TAOK3: variants seen among roughly 807,000 people sequenced by gnomAD.
TAOK3 encodes serine/threonine-protein kinase TAO3.
TAOK3 carries 40 observed loss-of-function variants against 120.4 expected under a neutral mutation model. The observed-to-expected ratio is 0.33, with a 90% confidence interval of 0.26 to 0.43. The LOEUF (loss-of-function observed/expected upper bound fraction) is 0.43, where lower values mean the gene tolerates loss of function less well. TAOK3 is among the 20% of genes least tolerant of loss of function. The pLI is 1.00. For synonymous variants in TAOK3, 355 were observed against 387.5 expected, an observed-to-expected ratio of 0.92 and a Z score of 0.99; for missense variants, 821 against 1,112.1, an observed-to-expected ratio of 0.74 and a Z score of 3.72.
intron 1 of TAOK3, among the ~76,000 whole-genome samples, chr12:118,320,141 A>G (rs918006611): frequency 6.6e-6 from 1 of 152,226 alleles, no homozygotes; most frequent in African/African-American, 2.4e-5. Flanking sequence ...TATTTAGAAT[A>G]GGCAAAATTC....
At chr12:118,333,522 T>G (rs1483947684) in intron 1 of TAOK3, among the ~76,000 whole-genome samples, 1 of 152,096 alleles carries the variant, frequency 6.6e-6, no homozygotes, top group East Asian at 1.9e-4. Flanking sequence ...AATGCTTACA[T>G]TAGGAGAGAG....
chr12:118,327,497 G>C (rs2043982197), intron 1 of TAOK3, among the ~76,000 whole-genome samples: 1 of 152,254 alleles, frequency 6.6e-6, no homozygotes, highest in Non-Finnish European at 1.5e-5. Context: ...GAAGGAAAAT[G>C]TTTAAACATT....
At chr12:118,335,165 C>T (rs1168792094) in intron 1 of TAOK3, among the ~76,000 whole-genome samples, 1 of 120,618 alleles carries the variant, frequency 8.3e-6, no homozygotes, top group Non-Finnish European at 1.7e-5. Flanking sequence ...GCCTGGGCAA[C>T]AAGAGCAAAA....
intron 3 of TAOK3, among the ~76,000 whole-genome samples, chr12:118,252,675 C>T (rs752597355): frequency 3.3e-5 from 5 of 151,754 alleles, no homozygotes; most frequent in Non-Finnish European, 5.9e-5. Flanking sequence ...TCTGACTACA[C>T]ACTAACAAGG....
intron 3 of TAOK3, among the ~76,000 whole-genome samples, chr12:118,252,129 T>C (rs540008500): frequency 6.6e-6 from 1 of 152,330 alleles, no homozygotes; most frequent in Non-Finnish European, 1.5e-5. Context: ...CTTGGCTGCT[T>C]TTTAAATGAG....
At chr12:118,254,416 A>G (rs1014192070) in intron 3 of TAOK3, among the ~76,000 whole-genome samples, 2 of 152,090 alleles carry the variant, frequency 1.3e-5, no homozygotes, top group Non-Finnish European at 2.9e-5. Context: ...CAAGATAGAC[A>G]TAAACCCTGT....
At chr12:118,202,579 C>T (rs1476347227) in intron 11 of TAOK3, among the ~76,000 whole-genome samples, 7 of 151,868 alleles carry the variant, frequency 4.6e-5, no homozygotes, top group Admixed American at 1.3e-4. Context: ...GAGGTGATAC[C>T]TCATTGTGGT....
At chr12:118,363,727 A>AGTGTGTGTGTGT (rs552898130) in intron 1 of TAOK3, among the ~76,000 whole-genome samples, 54 of 147,504 alleles carry the variant, frequency 3.7e-4, no homozygotes, top group African/African-American at 1.3e-3. Flanking sequence ...TGGTCAAGGC[A>AGTGTGTGTGTGT]GTGTGTGTGT....
intron 1 of TAOK3, among the ~76,000 whole-genome samples, chr12:118,346,671 T>C (rs940482145): frequency 1.3e-5 from 2 of 152,176 alleles, no homozygotes; most frequent in Non-Finnish European, 2.9e-5. Flanking sequence ...TATAATTACA[T>C]CACATAGCTA....
chr12:118,351,408 GCTCAGTAAATGTTTA>G (rs2045147945), intron 1 of TAOK3, among the ~76,000 whole-genome samples: 1 of 152,092 alleles, frequency 6.6e-6, no homozygotes, highest in Non-Finnish European at 1.5e-5. Context: ...CCGAGTAGAT[GCTCAGTAAATGTTTA>G]CTGAGTACAT....
At chr12:118,352,907 A>C (rs1287427953) in intron 1 of TAOK3, among the ~76,000 whole-genome samples, 1 of 152,112 alleles carries the variant, frequency 6.6e-6, no homozygotes, top group Non-Finnish European at 1.5e-5. Flanking sequence ...ACAAGGTTTC[A>C]CTATGTTGGC....
intron 1 of TAOK3, among the ~76,000 whole-genome samples, chr12:118,323,703 C>T (rs909141565): frequency 6.6e-6 from 1 of 151,984 alleles, no homozygotes; most frequent in African/African-American, 2.4e-5. Flanking sequence ...AAGCATGTTG[C>T]AGAACAGTAT....
At chr12:118,221,722 C>T (rs1352227657) in intron 9 of TAOK3, among the ~76,000 whole-genome samples, 2 of 148,632 alleles carry the variant, frequency 1.3e-5, no homozygotes, top group Non-Finnish European at 3.0e-5. Context: ...GCAAGCTCTG[C>T]CTCACAGGTT....
At chr12:118,357,340 T>C (rs570942950) in intron 1 of TAOK3, among the ~76,000 whole-genome samples, 1 of 152,362 alleles carries the variant, frequency 6.6e-6, no homozygotes, top group East Asian at 1.9e-4. Context: ...TCAGAACTAT[T>C]TTTAACTGGA....
Position 118,172,738 on chromosome 12 carries a change from A to G in TAOK3, c.1696-78T>C, listed in dbSNP as rs2036082055. 6.9e-6 allele frequency: 9 copies of G among 1,299,468 alleles called. No homozygotes were observed. In the South Asian group the frequency reaches 1.1e-4, roughly 16 times the overall value. 80.5% of individuals were successfully genotyped at this position (1,299,468 alleles called of 1,614,324 possible). A position where few individuals can be genotyped will look rare whatever the true frequency, so the allele number is the denominator to read the frequency against. ...AACAGCTTATTGCAACTGAAGATTA[A>G]GTTATTTGGAAAGCCAATGCAGATG... On this transcript the variant is annotated intron_variant, in intron 16 of 20. Coordinates refer to ENST00000392533, the MANE Select transcript of TAOK3 (RefSeq NM_016281.4).
At chr12:118,320,872 A>G (rs2043675263) in intron 1 of TAOK3, among the ~76,000 whole-genome samples, 1 of 152,186 alleles carries the variant, frequency 6.6e-6, no homozygotes, top group South Asian at 2.1e-4. Flanking sequence ...AAACATTTGG[A>G]AACAACCCAA....
chr12:118,233,832 C>G, intron 8 of TAOK3, 67 bp from the exon 9 acceptor site: 1 of 986,608 alleles, frequency 1.0e-6, no homozygotes, highest in Non-Finnish European at 1.6e-6. Flanking sequence ...GAAAGTGATT[C>G]AATGAAATAG....
chr12:118,157,890 C>G (rs545403876), intron 19 of TAOK3, among the ~76,000 whole-genome samples: 2 of 152,320 alleles, frequency 1.3e-5, no homozygotes, highest in South Asian at 4.1e-4. Context: ...AACTCTCTCT[C>G]CTTTTGCTAA....
At chr12:118,306,642 T>C (rs959950599) in intron 1 of TAOK3, among the ~76,000 whole-genome samples, 1 of 152,246 alleles carries the variant, frequency 6.6e-6, no homozygotes, top group Non-Finnish European at 1.5e-5. Context: ...CTTACTTTTA[T>C]TTAGTGGACC....
Sources: allele counts gnomAD v4.1 joint callset (sites outside exome capture counted in the v4.1 genomes callset), GRCh38; gene constraint gnomAD v4.1.1; transcripts MANE v1.5; gene names NCBI Gene and HGNC (gene_info 2026-07-23, HGNC 2026-07-21).